TAFA3: variants seen among roughly 807,000 people sequenced by gnomAD.
TAFA3 encodes chemokine-like protein TAFA-3.
Under a neutral mutation model 20.7 loss-of-function variants are expected in TAFA3, and 17 were observed. The ratio of observed to expected loss-of-function variants is 0.82; its 90% CI spans 0.56 to 1.23. TAFA3 has a LOEUF of 1.23. Among genes scored for constraint, TAFA3 ranks in the 50% most tolerant of loss-of-function variants. The pLI is 0.00. For synonymous variants in TAFA3, 74 were observed against 71.8 expected, an observed-to-expected ratio of 1.03 and a Z score of -0.16; for missense variants, 174 against 172.8, an observed-to-expected ratio of 1.01 and a Z score of -0.04.
intron 4 of TAFA3, 96 bp downstream of exon 4, chr1:112,723,261 C>T (rs868604314): frequency 1.4e-6 from 2 of 1,429,454 alleles, no homozygotes; most frequent in Non-Finnish European, 1.9e-6. Context: ...ATTTCATACC[C>T]GTCTCAGGGC....
Position 112,722,275 on chromosome 1 carries a change from G to A in TAFA3, c.42G>A (p.Trp14Ter). ...RVERNWSTGG[W>*]LLALCLAWLW... ...AGCGGAACTGGAGCACGGGCGGCTG[G>A]CTGCTGGCACTGTGCCTGGCCTGGC... Residue 14 changes from tryptophan to a stop codon, truncating the protein, a stop_gained, in exon 3 of 6, where the codon TGG (tryptophan) becomes TGA (stop). Coordinates refer to ENST00000361886, the MANE Select transcript of TAFA3 (RefSeq NM_182759.3). LOFTEE classifies it high-confidence loss of function. 1.2e-6 allele frequency: 2 copies of A among 1,614,088 alleles called. No individual in the cohort carries two copies. Among genetic ancestry groups the A allele is most frequent in the African/African-American group, 1.3e-5 (1 of 75,048 alleles).
chr1:112,726,777 A>T lies in TAFA3; in HGVS notation c.*137A>T. On this transcript the variant is annotated 3_prime_UTR_variant, in exon 6 of 6. Transcript: ENST00000361886. The stretch of plus-strand genomic sequence containing the variant: ...AATGCAGCATCAGTCTTTCCGGGGC[A>T]TTTCAGTTAAGCTGCTCAGCAGATA... 5 of 1,381,528 alleles carry T rather than the reference A, an allele frequency of 3.6e-6. No individual in the cohort carries two copies. The South Asian group carries it at 6.1e-5, about 17-fold the overall frequency. 85.6% of individuals were successfully genotyped at this position (1,381,528 alleles called of 1,614,324 possible). A position where few individuals can be genotyped will look rare whatever the true frequency, so the allele number is the denominator to read the frequency against.
At position 112,723,057 on chromosome 1, in the gene TAFA3, C is replaced by T; in HGVS notation, c.157C>T (p.Arg53Cys). 6.2e-7 allele frequency: 1 copy of T among 1,612,978 alleles called. No homozygotes were observed. The highest frequency in any genetic ancestry group is 8.5e-7 in the Non-Finnish European group (1 of 1,179,644). Residue 53 changes from arginine to cysteine, a missense_variant, in exon 4 of 6, where the codon CGC (arginine) becomes TGC (cysteine). Arg to Cys is a radical substitution (Grantham distance 180). Coordinates refer to ENST00000361886, the MANE Select transcript of TAFA3 (RefSeq NM_182759.3). ...CACCTGCGAGGTGATTGCGGCTCACCGCTGCTGCAACCGGAACCGCATCGA... is the reference window on the plus strand; with the variant it reads ...CACCTGCGAGGTGATTGCGGCTCACTGCTGCTGCAACCGGAACCGCATCGA... Reference protein sequence around the residue: ...QGTCEVIAAHRCCNRNRIEER... With the variant: ...QGTCEVIAAHCCCNRNRIEER...
chr1:112,722,285 C>T lies in TAFA3; in HGVS notation c.52C>T (p.Leu18=). 1 of 1,614,120 alleles carries T rather than the reference C, an allele frequency of 6.2e-7. No homozygotes were observed. The highest frequency in any genetic ancestry group is 8.5e-7 in the Non-Finnish European group (1 of 1,180,028). Reference sequence around the variant, plus strand: ...GAGCACGGGCGGCTGGCTGCTGGCACTGTGCCTGGCCTGGCTGTGGACCCA... The same window carrying T: ...GAGCACGGGCGGCTGGCTGCTGGCATTGTGCCTGGCCTGGCTGTGGACCCA... The part of the protein sequence containing the change: ...NWSTGGWLLA[L]CLAWLWTHLT... Residue 18 remains leucine, a synonymous_variant, in exon 3 of 6, where the codon CTG becomes TTG. Coordinates refer to ENST00000361886, the MANE Select transcript of TAFA3 (RefSeq NM_182759.3).
Position 112,722,232 on chromosome 1 carries a change from G to A in TAFA3, c.-1-1G>A. 1.2e-6 allele frequency: 2 copies of A among 1,614,070 alleles called. No individual in the cohort carries two copies. Among genetic ancestry groups the A allele is most frequent in the Non-Finnish European group, 1.7e-6 (2 of 1,179,968 alleles). On this transcript the variant is annotated splice_acceptor_variant, in intron 2 of 5. Coordinates refer to ENST00000361886, the MANE Select transcript of TAFA3 (RefSeq NM_182759.3). LOFTEE classifies it low-confidence loss of function (5UTR_SPLICE). ...AGCAGAATGTGTGCTTCTCTCCGCAGGATGAGTGAGAGGGTCGAGCGGAAC... is the reference window on the plus strand; with the variant it reads ...AGCAGAATGTGTGCTTCTCTCCGCAAGATGAGTGAGAGGGTCGAGCGGAAC...
chr1:112,722,478 C>T (rs1343031997), intron 3 of TAFA3, 130 bp downstream of exon 3: 4 of 739,662 alleles, frequency 5.4e-6, no homozygotes, highest in East Asian at 2.7e-5. Context: ...CTAGGGGTTC[C>T]GGCTCCTCCT....
intron 2 of TAFA3, among the ~76,000 whole-genome samples, chr1:112,721,463 A>G (rs1379001984): frequency 2.6e-5 from 4 of 152,110 alleles, no homozygotes; most frequent in African/African-American, 9.7e-5. Context: ...ATAGGTGTGC[A>G]CCACCATGCC....
At position 112,726,759 on chromosome 1, in the gene TAFA3, C is replaced by A; in HGVS notation, c.*119C>A. On this transcript the variant is annotated 3_prime_UTR_variant, in exon 6 of 6. Transcript: ENST00000361886. ...CTTACATGCCTCATGTCAAATGCAG[C>A]ATCAGTCTTTCCGGGGCATTTCAGT... 1 of 1,501,242 alleles carries A rather than the reference C, an allele frequency of 6.7e-7. No individual in the cohort carries two copies. Among genetic ancestry groups the A allele is most frequent in the Non-Finnish European group, 9.3e-7 (1 of 1,079,820 alleles). The allele number at this position is 1,501,242 out of a possible 1,614,324, so 93.0% of individuals were successfully genotyped here.
In TAFA3 at chr1:112,724,011, A is replaced by G; in HGVS notation, c.266-2A>G. 1 of 1,613,940 alleles carries G rather than the reference A, an allele frequency of 6.2e-7. No homozygotes were observed. Among genetic ancestry groups the G allele is most frequent in the Non-Finnish European group, 8.5e-7 (1 of 1,179,940 alleles). On this transcript the variant is annotated splice_acceptor_variant, in intron 4 of 5. Transcript: ENST00000361886. LOFTEE classifies it high-confidence loss of function. ...GCTGCACTCCGCCTCCTGCTCCCACAGCCTCCATCGTCCTGCAGAGATGGT... is the reference window on the plus strand; with the variant it reads ...GCTGCACTCCGCCTCCTGCTCCCACGGCCTCCATCGTCCTGCAGAGATGGT...
At chr1:112,724,528 G>A (rs931329781) in intron 5 of TAFA3, among the ~76,000 whole-genome samples, 6 of 147,986 alleles carry the variant, frequency 4.1e-5, no homozygotes, top group African/African-American at 1.3e-4. Context: ...GTAAACTATC[G>A]CAAGAACAAA....
chr1:112,725,395 T>TAAAA (rs35474012), intron 5 of TAFA3, among the ~76,000 whole-genome samples: 7 of 83,370 alleles, frequency 8.4e-5, no homozygotes, highest in Non-Finnish European at 1.5e-4. Flanking sequence ...GTTGAAATAT[T>TAAAA]AAAAAAAAAA....
chr1:112,726,499 G>A (rs984428639), intron 5 of TAFA3, 130 bp from the exon 6 acceptor site: 27 of 903,814 alleles, frequency 3.0e-5, no homozygotes, highest in Non-Finnish European at 4.0e-5. Flanking sequence ...TTCCCATTCC[G>A]GCCTGCTTTA....
intron 1 of TAFA3, among the ~76,000 whole-genome samples, chr1:112,720,073 G>A (rs2101494331): frequency 6.6e-6 from 1 of 152,256 alleles, no homozygotes; most frequent in Non-Finnish European, 1.5e-5. Context: ...CCAGCCCTCT[G>A]GTGTGGGAAT....
chr1:112,720,215 G>A (rs75291438), intron 1 of TAFA3, among the ~76,000 whole-genome samples: 6,285 of 152,046 alleles, frequency 0.041, 459 homozygotes, highest in African/African-American at 0.14. Flanking sequence ...GCAGGAATCT[G>A]TCAGGTTCTG....
intron 3 of TAFA3, among the ~76,000 whole-genome samples, chr1:112,722,606 C>CTACA (rs1675356440): frequency 6.6e-6 from 1 of 152,124 alleles, no homozygotes; most frequent in South Asian, 2.1e-4. Context: ...TGAGAGAGGC[C>CTACA]CTCGGGTGAG....
At chr1:112,724,289 C>G (rs1276310479) in intron 5 of TAFA3, 152 bp downstream of exon 5, 1 of 738,690 alleles carries the variant, frequency 1.4e-6, no homozygotes, top group East Asian at 2.8e-5. Flanking sequence ...CAGGTCTGTT[C>G]TCACTGGGGA....
chr1:112,724,898 A>G (rs1675432684), intron 5 of TAFA3, among the ~76,000 whole-genome samples: 1 of 150,488 alleles, frequency 6.6e-6, no homozygotes, highest in Admixed American at 6.6e-5. Context: ...ATATACCCAA[A>G]GGAAAATAAA....
rs1354867074 is a variant in TAFA3 at position 112,720,604 on chromosome 1, AACAG to A, written c.-26_-23del. ...GGAGTGAGTCTGAGGACAGCAGATGAACAGACAGAAACTGAAAGATCCCCAAAAA... is the reference window on the plus strand; with the variant it reads ...GGAGTGAGTCTGAGGACAGCAGATGAACAGAAACTGAAAGATCCCCAAAAA... On this transcript the variant is annotated 5_prime_UTR_variant, in exon 2 of 6. An upstream open reading frame in the 5' UTR gains an earlier in-frame stop. Coordinates refer to ENST00000361886, the MANE Select transcript of TAFA3 (RefSeq NM_182759.3). 4 of 152,470 alleles carry A rather than the reference AACAG, an allele frequency of 2.6e-5. No individual in the cohort carries two copies. The highest frequency in any genetic ancestry group is 4.8e-5 in the African/African-American group (2 of 41,458). 9.4% of individuals were successfully genotyped at this position (152,470 alleles called of 1,614,324 possible). A position where few individuals can be genotyped will look rare whatever the true frequency, so the allele number is the denominator to read the frequency against.
At chr1:112,724,816 C>CAAAAA in intron 5 of TAFA3, among the ~76,000 whole-genome samples, 118 of 22,614 alleles carry the variant, frequency 5.2e-3, no homozygotes, top group South Asian at 0.01. Flanking sequence ...ATTAGAGCAG[C>CAAAAA]AAAAAAAAAA....
Sources: gnomAD v4.1 joint callset for allele counts (sites outside exome capture counted in the v4.1 genomes callset) on GRCh38, gnomAD v4.1.1 for gene constraint, MANE v1.5 for transcripts, NCBI Gene and HGNC (gene_info 2026-07-23, HGNC 2026-07-21) for gene names.